Variants in GRK3 observed in about 807,000 individuals in gnomAD.
GRK3 encodes the protein adrenergic, beta, receptor kinase 2.
A neutral mutation model predicts 95.7 loss-of-function variants in GRK3; 54 were observed. The ratio of observed to expected loss-of-function variants is 0.56; its 90% CI spans 0.45 to 0.71. GRK3 has a LOEUF of 0.71. GRK3 is among the 30% of genes least tolerant of loss of function. The probability of loss-of-function intolerance (pLI) is 0.00; values close to 1 mark genes in which losing one functional copy is unlikely to be tolerated. For missense variants in GRK3, 649 were observed against 851.2 expected (o/e 0.76, Z 2.96); for synonymous variants, 281 against 290.8 (o/e 0.97, Z 0.34).
chr22:25,661,554 A>G (rs183396769), intron 3 of GRK3, 22 bp from the exon 4 acceptor site: 200 of 1,506,250 alleles, frequency 1.3e-4, no homozygotes, highest in Non-Finnish European at 1.1e-4. Context: ...CAACCTAACA[A>G]TGATAACTTT....
intron 2 of GRK3, among the ~76,000 whole-genome samples, chr22:25,642,899 A>G (rs752763235): frequency 6.6e-6 from 1 of 152,358 alleles, no homozygotes; most frequent in Non-Finnish European, 1.5e-5. Context: ...CAAGTGCCAT[A>G]CAGCATTCCG....
intron 2 of GRK3, among the ~76,000 whole-genome samples, chr22:25,612,953 A>C (rs1427561887): frequency 6.6e-6 from 1 of 152,172 alleles, no homozygotes; most frequent in Non-Finnish European, 1.5e-5. Context: ...AAAAAACCCC[A>C]AAATACTAAA....
chr22:25,655,449 T>A (rs2084863528), intron 3 of GRK3, among the ~76,000 whole-genome samples: 1 of 152,230 alleles, frequency 6.6e-6, no homozygotes, highest in Non-Finnish European at 1.5e-5. Flanking sequence ...TAGCTCAATA[T>A]GGAAAATTTC....
intron 12 of GRK3, among the ~76,000 whole-genome samples, chr22:25,693,981 G>A (rs1305475233): frequency 6.6e-6 from 1 of 151,860 alleles, no homozygotes; most frequent in African/African-American, 2.4e-5. Context: ...AGTAGAGACG[G>A]GGTTTCTCCA....
chr22:25,683,137 T>C (rs1419970611), intron 9 of GRK3, among the ~76,000 whole-genome samples: 1 of 152,266 alleles, frequency 6.6e-6, no homozygotes, highest in Non-Finnish European at 1.5e-5. Flanking sequence ...AAGCAAAGAA[T>C]AATAGATGAC....
In GRK3 at chr22:25,727,501, T is replaced by G. The variant is rs570071701; in HGVS notation, c.*5051T>G. 36 of 152,392 alleles carry G rather than the reference T, an allele frequency of 2.4e-4. No individual in the cohort carries two copies. Among genetic ancestry groups the G allele is most frequent in the African/African-American group, 8.7e-4 (36 of 41,602 alleles). 9.4% of individuals were successfully genotyped at this position (152,392 alleles called of 1,614,324 possible). ...AGGGGCTGTCTTTCTGACCTGGCTG[T>G]GTTAGCACTGATTGAGAAACGCAGG... On this transcript the variant is annotated 3_prime_UTR_variant, in exon 21 of 21. Coordinates refer to ENST00000324198, the MANE Select transcript of GRK3 (RefSeq NM_005160.4).
At chr22:25,691,042 G>C (rs1165278556) in intron 12 of GRK3, among the ~76,000 whole-genome samples, 1 of 152,136 alleles carries the variant, frequency 6.6e-6, no homozygotes, top group East Asian at 1.9e-4. Flanking sequence ...TGTACTCGGG[G>C]TTGTTAAAAA....
At chr22:25,677,714 A>G (rs931236590) in intron 8 of GRK3, among the ~76,000 whole-genome samples, 1 of 152,248 alleles carries the variant, frequency 6.6e-6, no homozygotes, top group African/African-American at 2.4e-5. Context: ...ACACTGAGAC[A>G]GTGTCCATGC....
At chr22:25,649,128 T>A (rs1233702750) in intron 3 of GRK3, 1 of 1,492,122 alleles carries the variant, frequency 6.7e-7, no homozygotes, top group African/African-American at 1.4e-5. Context: ...GAATCTGTGT[T>A]GGAAGAAGGA....
At chr22:25,566,054 C>T (rs114813538) in intron 1 of GRK3, among the ~76,000 whole-genome samples, 2,172 of 152,228 alleles carry the variant, frequency 0.014, 49 homozygotes, top group African/African-American at 0.048. Context: ...ATATCATTAG[C>T]ACTTCCCCAG....
chr22:25,595,981 G>A (rs961605747), intron 1 of GRK3, among the ~76,000 whole-genome samples: 9 of 152,110 alleles, frequency 5.9e-5, no homozygotes, highest in East Asian at 1.9e-4. Flanking sequence ...ACATGTATAC[G>A]TGTATATATA....
chr22:25,690,017 A>G (rs1177565594), intron 11 of GRK3, among the ~76,000 whole-genome samples, 172 bp from the exon 12 acceptor site: 4 of 152,162 alleles, frequency 2.6e-5, no homozygotes, highest in Non-Finnish European at 4.4e-5. Context: ...AACATGAAAG[A>G]TATTATTCTC....
At chr22:25,693,345 G>A (rs1234164621) in intron 12 of GRK3, among the ~76,000 whole-genome samples, 3 of 152,128 alleles carry the variant, frequency 2.0e-5, no homozygotes. Flanking sequence ...AGCATGGGGG[G>A]CTGGTCTGCA....
chr22:25,700,033 C>T (rs2085245841), intron 13 of GRK3, among the ~76,000 whole-genome samples: 1 of 152,176 alleles, frequency 6.6e-6, no homozygotes, highest in South Asian at 2.1e-4. Flanking sequence ...TTGCTGTGAC[C>T]AGCGTGCCCC....
chr22:25,712,798 G>A (rs1375216105), intron 17 of GRK3, among the ~76,000 whole-genome samples: 1 of 152,234 alleles, frequency 6.6e-6, no homozygotes, highest in Non-Finnish European at 1.5e-5. Context: ...CTATTATTAT[G>A]TTTTGGTTCT....
chr22:25,657,805 T>TTA (rs1345105532), intron 3 of GRK3, among the ~76,000 whole-genome samples: 2 of 152,046 alleles, frequency 1.3e-5, no homozygotes, highest in Non-Finnish European at 1.5e-5. Flanking sequence ...TTAAGACTGA[T>TTA]TATATATATA....
intron 12 of GRK3, 100 bp downstream of exon 12, chr22:25,690,383 A>T (rs2085156017): frequency 1.4e-5 from 12 of 834,498 alleles, no homozygotes; most frequent in Non-Finnish European, 2.4e-5. Flanking sequence ...GGTGATTTTC[A>T]ATATGTCAGG....
intron 11 of GRK3, among the ~76,000 whole-genome samples, chr22:25,688,235 CAAA>C (rs35383882): frequency 1.1e-4 from 7 of 63,452 alleles, no homozygotes; most frequent in South Asian, 1.2e-3. Flanking sequence ...GACTCTGTCT[CAAA>C]AAAAAAAAAA....
chr22:25,710,081 CCCCAGCAT>C, intron 16 of GRK3, 117 bp downstream of exon 16: 1 of 761,746 alleles, frequency 1.3e-6, no homozygotes, highest in Admixed American at 1.9e-5. Context: ...GGCTGTGTCT[CCCCAGCAT>C]CCCCACCACC....
Sources: gnomAD v4.1 joint callset for allele counts (sites outside exome capture counted in the v4.1 genomes callset) on GRCh38, gnomAD v4.1.1 for gene constraint, MANE v1.5 for transcripts, NCBI Gene and HGNC (gene_info 2026-07-23, HGNC 2026-07-21) for gene names.